Variants in ADAM17 observed in about 807,000 individuals in gnomAD.
The protein encoded by ADAM17 is ADAM metallopeptidase domain 17.
In ADAM17, 39 loss-of-function variants were observed where a neutral mutation model predicts 96.7. The observed-to-expected ratio is 0.40, with a 90% CI of 0.31 to 0.53. The LOEUF (loss-of-function observed/expected upper bound fraction) is 0.53, where lower values mean the gene tolerates loss of function less well. Among genes scored for constraint, ADAM17 ranks in the 20% least tolerant of loss-of-function variants. The pLI is 0.44. For synonymous variants in ADAM17, 344 were observed against 359.2 expected (o/e 0.96, Z 0.48); for missense variants, 777 against 1,013.2 (o/e 0.77, Z 3.17).
intron 10 of ADAM17, among the ~76,000 whole-genome samples, chr2:9,514,311 A>G (rs1264046981): frequency 6.1e-5 from 8 of 130,976 alleles, no homozygotes; most frequent in African/African-American, 2.3e-4. Flanking sequence ...GAACAATGAG[A>G]ACACTTGGAC....
intron 6 of ADAM17, 40 bp downstream of exon 6, chr2:9,526,071 A>AT (rs752523908): frequency 3.5e-4 from 541 of 1,527,572 alleles, no homozygotes; most frequent in South Asian, 9.5e-4. Context: ...ACCCACCCAA[A>AT]TTTTTTTTTC....
chr2:9,550,622 T>C (rs1665560262), intron 1 of ADAM17, among the ~76,000 whole-genome samples: 1 of 151,776 alleles, frequency 6.6e-6, no homozygotes, highest in Admixed American at 6.6e-5. Context: ...ATTTTTGTAT[T>C]TTTAGTAGAG....
chr2:9,490,456 C>A lies in ADAM17; in HGVS notation c.2196G>T (p.Ala732=), dbSNP rs746436310. ...ASVRIIKPFP[A]PQTPGRLQPA... is the part of the protein sequence containing the mutation. ...GCTGCAGGCGGCCTGGAGTCTGGGGCGCAGGAAAGGGTTTGATAATGCGAA... is the reference window on the plus strand; with the variant it reads ...GCTGCAGGCGGCCTGGAGTCTGGGGAGCAGGAAAGGGTTTGATAATGCGAA... The change falls in exon 19 of 19, where the codon GCG becomes GCT. Residue 732 remains alanine, a synonymous_variant. Coordinates refer to ENST00000310823, the MANE Select transcript of ADAM17 (RefSeq NM_003183.6). 1.9e-6 allele frequency: 3 copies of A among 1,613,944 alleles called. No individual in the cohort carries two copies. The South Asian group carries it at 3.3e-5, about 18-fold the overall frequency.
rs56237316 is a variant in ADAM17 at position 9,497,202 on chromosome 2, A to T, written c.1695T>A (p.Thr565=). 10 of 1,614,124 alleles carry T rather than the reference A, an allele frequency of 6.2e-6. No homozygotes were observed. Among genetic ancestry groups the T allele is most frequent in the Middle Eastern group, 3.3e-4 (2 of 6,084 alleles). ...TACACTTGCCAAGATCCAAGCAAAC[A>T]GTGTCATCTTCAGCATTTCCTGGAG... ...CPPPGNAEDD[T]VCLDLGKCKD... Residue 565 remains threonine, a synonymous_variant, in exon 14 of 19, where the codon ACT becomes ACA. Transcript: ENST00000310823.
At position 9,514,010 on chromosome 2, in the gene ADAM17, C is replaced by CAA. The variant is rs565362289; in HGVS notation, c.1192-3881_1192-3880dup. On this transcript the variant is annotated intron_variant, in intron 10 of 18. Coordinates refer to ENST00000310823, the MANE Select transcript of ADAM17 (RefSeq NM_003183.6). Reference sequence around the variant, plus strand: ...TGGGCAACAAGAGAAAACTCCATCTCAAAAAAAAAAAAAAGAAAAGAAAAA... The same window carrying CAA: ...TGGGCAACAAGAGAAAACTCCATCTCAAAAAAAAAAAAAAAAGAAAAGAAAAA... Among the ~76,000 whole-genome samples the CAA allele has an allele frequency of 2.0e-3, 205 of 100,010 alleles. 1 individual carries two copies. Among genetic ancestry groups the CAA allele is most frequent in the Non-Finnish European group, 2.9e-3 (140 of 48,862 alleles). The allele number at this position is 100,010 out of a possible 152,430, so 65.6% of individuals were successfully genotyped here.
chr2:9,497,572 T>G (rs556395876), intron 13 of ADAM17, among the ~76,000 whole-genome samples: 1 of 152,352 alleles, frequency 6.6e-6, no homozygotes, highest in South Asian at 2.1e-4. Context: ...AAACTTTGTA[T>G]GAAGGCTTAA....
At chr2:9,530,244 TC>T (rs1224153050) in intron 4 of ADAM17, among the ~76,000 whole-genome samples, 23 of 152,166 alleles carry the variant, frequency 1.5e-4, no homozygotes, top group Non-Finnish European at 2.2e-4. Context: ...AAATTTTTTT[TC>T]TTTTGGGTCA....
In ADAM17 at chr2:9,503,139, A is replaced by C. The variant is rs1329727097; in HGVS notation, c.1545-863T>G. 9.5e-5 allele frequency among the ~76,000 whole-genome samples: 14 copies of C among 147,336 alleles called. No homozygotes were observed. In the East Asian group the frequency reaches 2.2e-3, roughly 23 times the overall value. The stretch of plus-strand genomic sequence containing the variant: ...TGGTCAACAGGGCGAGACTCTCTCA[A>C]AAAAAAAAAAAAAGACAAGGAAAAA... On this transcript the variant is annotated intron_variant, in intron 12 of 18. Transcript: ENST00000310823.
chr2:9,541,228 AC>A (rs1665193791), intron 2 of ADAM17, among the ~76,000 whole-genome samples: 1 of 152,166 alleles, frequency 6.6e-6, no homozygotes, highest in African/African-American at 2.4e-5. Flanking sequence ...TATCTATATC[AC>A]CTATACACAC....
intron 6 of ADAM17, 99 bp downstream of exon 6, chr2:9,526,012 T>C: frequency 8.8e-7 from 1 of 1,140,120 alleles, no homozygotes; most frequent in Non-Finnish European, 1.2e-6. Flanking sequence ...TTTAGGGAAA[T>C]AACAGAGTAT....
chr2:9,527,919 T>G lies in ADAM17; in HGVS notation c.486A>C (p.Lys162Asn). 6.3e-7 allele frequency: 1 copy of G among 1,585,152 alleles called. No individual in the cohort carries two copies. Among genetic ancestry groups the G allele is most frequent in the Non-Finnish European group, 8.6e-7 (1 of 1,165,690 alleles). The change falls in exon 5 of 19, where the codon AAA (lysine) becomes AAC (asparagine). Residue 162 changes from lysine to asparagine, a missense_variant. Around this residue, in one of 3 missense-constraint regions of ADAM17, gnomAD observed 446 missense variants for 664.7 expected, o/e 0.67. Coordinates refer to ENST00000310823, the MANE Select transcript of ADAM17 (RefSeq NM_003183.6). ...CTTCAGATTTATAAACTAACATTCT[T>G]TTGTCTTTGGTATCATTAACAAATC... ...LWRFVNDTKD[K>N]RMLVYKSEDI...
chr2:9,534,137 G>A (rs948113179), intron 4 of ADAM17, among the ~76,000 whole-genome samples: 6 of 152,160 alleles, frequency 3.9e-5, no homozygotes, highest in Non-Finnish European at 7.3e-5. Context: ...TTCAGAGGCC[G>A]AGGCTGGCAG....
At chr2:9,513,600 A>T (rs1433621076) in intron 10 of ADAM17, among the ~76,000 whole-genome samples, 1 of 151,968 alleles carries the variant, frequency 6.6e-6, no homozygotes, top group Non-Finnish European at 1.5e-5. Context: ...TGTAGGGGGA[A>T]ATCCCCACAC....
intron 2 of ADAM17, among the ~76,000 whole-genome samples, chr2:9,539,082 C>T (rs570997708): frequency 7.3e-5 from 11 of 151,642 alleles, no homozygotes; most frequent in East Asian, 1.9e-4. Flanking sequence ...GCAGCTTTTT[C>T]GTTATTTAAA....
chr2:9,497,980 C>T (rs1444409525), intron 13 of ADAM17, among the ~76,000 whole-genome samples: 1 of 152,058 alleles, frequency 6.6e-6, no homozygotes, highest in Admixed American at 6.6e-5. Flanking sequence ...ATCTCCAATC[C>T]CTATCATATT....
intron 2 of ADAM17, among the ~76,000 whole-genome samples, chr2:9,540,175 A>G (rs1665151132): frequency 6.6e-6 from 1 of 152,206 alleles, no homozygotes; most frequent in Non-Finnish European, 1.5e-5. Context: ...AAACCCAAAA[A>G]GCTAAACTTT....
In ADAM17 at chr2:9,490,310, G is replaced by T. The variant is rs759921163; in HGVS notation, c.2342C>A (p.Pro781His). 1 of 1,614,162 alleles carries T rather than the reference G, an allele frequency of 6.2e-7. No individual in the cohort carries two copies. The highest frequency in any genetic ancestry group is 8.5e-7 in the Non-Finnish European group (1 of 1,180,038). The part of the protein sequence containing the change: ...HMDEDGFEKD[P>H]FPNSSTAAKS... ...GGCAGCTGTGCTGCTATTTGGGAAG[G>T]GGTCCTTCTCAAACCCATCCTCGTC... The change falls in exon 19 of 19, where the codon CCC (proline) becomes CAC (histidine). Residue 781 changes from proline (P) to histidine (H), a missense_variant. Transcript: ENST00000310823.
intron 17 of ADAM17, among the ~76,000 whole-genome samples, chr2:9,491,646 G>C (rs1333408818): frequency 1.3e-5 from 2 of 152,176 alleles, no homozygotes; most frequent in Non-Finnish European, 2.9e-5. Flanking sequence ...GAGGAACTGG[G>C]CCTCAATCCC....
At position 9,490,542 on chromosome 2, in the gene ADAM17, AT is replaced by A. The variant is rs769600897; in HGVS notation, c.2134-25del. The A allele has an allele frequency of 3.8e-6, 6 of 1,592,322 alleles. No individual in the cohort carries two copies. The South Asian group carries it at 6.8e-5, about 18-fold the overall frequency. On this transcript the variant is annotated intron_variant, in intron 18 of 18. Coordinates refer to ENST00000310823, the MANE Select transcript of ADAM17 (RefSeq NM_003183.6). ...TTCTGCAAAGACATGGGTTCAATTG[AT>A]TGATAGGAATAAAAGATGAATCGGA...
Sources: allele counts gnomAD v4.1 joint callset (sites outside exome capture counted in the v4.1 genomes callset), GRCh38; gene constraint gnomAD v4.1.1; regional missense constraint gnomAD v4.1.1; transcripts MANE v1.5; gene names NCBI Gene and HGNC (gene_info 2026-07-23, HGNC 2026-07-21).